The following KCNIP1 variants were observed in gnomAD, a reference collection of about 807,000 sequenced individuals.
The protein encoded by KCNIP1 is potassium voltage-gated channel interacting protein 1.
Under a neutral mutation model 33.0 loss-of-function variants are expected in KCNIP1, and 18 were observed. The observed-to-expected ratio is 0.55, with a 90% CI of 0.38 to 0.81. The LOEUF (loss-of-function observed/expected upper bound fraction) is 0.81, where lower values mean the gene tolerates loss of function less well. KCNIP1 is among the 30% of genes least tolerant of loss of function. KCNIP1 has a pLI of 0.00. For missense variants in KCNIP1, 238 were observed against 271.6 expected, an observed-to-expected ratio of 0.88 and a Z score of 0.87; for synonymous variants, 93 against 98.3, an observed-to-expected ratio of 0.95 and a Z score of 0.32.
In KCNIP1 at chr5:170,735,857, C is replaced by A. The variant is rs768125348; in HGVS notation, c.*51C>A. The A allele has an allele frequency of 1.5e-5, 22 of 1,463,414 alleles. No homozygotes were observed. Among genetic ancestry groups the A allele is most frequent in the Non-Finnish European group, 2.0e-5 (21 of 1,043,686 alleles). The allele number at this position is 1,463,414 out of a possible 1,614,324, so 90.7% of individuals were successfully genotyped here. The stretch of plus-strand genomic sequence containing the variant: ...TCAGAGACATTGTACTAAACAACCA[C>A]CTTAACACCCTGATCTGCCCTTGTT... On this transcript the variant is annotated 3_prime_UTR_variant, in exon 8 of 8. Transcript: ENST00000328939.
At chr5:170,366,995 T>C (rs1472226928) in intron 1 of KCNIP1, among the ~76,000 whole-genome samples, 1 of 152,120 alleles carries the variant, frequency 6.6e-6, no homozygotes, top group East Asian at 1.9e-4. Flanking sequence ...TGTGAACTTG[T>C]TGGAAGGGCA....
chr5:170,663,970 C>T (rs1206670017), intron 1 of KCNIP1, among the ~76,000 whole-genome samples: 1 of 152,138 alleles, frequency 6.6e-6, no homozygotes, highest in East Asian at 1.9e-4. Context: ...TACTCTCCTC[C>T]AATCCTGTCC....
intron 1 of KCNIP1, among the ~76,000 whole-genome samples, chr5:170,494,344 A>G (rs1242421257): frequency 1.3e-5 from 2 of 152,180 alleles, no homozygotes; most frequent in African/African-American, 2.4e-5. Flanking sequence ...GGCCAGCCCA[A>G]TGCAAGAAGG....
intron 1 of KCNIP1, among the ~76,000 whole-genome samples, chr5:170,589,813 CGGTGT>C (rs1554103014): frequency 6.7e-6 from 1 of 149,982 alleles, no homozygotes. Context: ...CGGTGCGGTG[CGGTGT>C]GGTGTGGTAT....
At chr5:170,566,815 T>C (rs1757220847) in intron 1 of KCNIP1, among the ~76,000 whole-genome samples, 1 of 152,036 alleles carries the variant, frequency 6.6e-6, no homozygotes, top group Admixed American at 6.6e-5. Context: ...ACCTGAGAAA[T>C]TGAACTGGTT....
chr5:170,586,807 G>A (rs4867984), intron 1 of KCNIP1, among the ~76,000 whole-genome samples: 115,903 of 152,188 alleles, frequency 0.76, 44,790 homozygotes, highest in East Asian at 0.91. Context: ...TTCATTGTGT[G>A]TGCTTCTGGA....
intron 1 of KCNIP1, among the ~76,000 whole-genome samples, chr5:170,682,037 G>A (rs1762368660): frequency 6.6e-6 from 1 of 152,184 alleles, no homozygotes; most frequent in African/African-American, 2.4e-5. Flanking sequence ...CCACTGCATG[G>A]TGTAGACAGA....
At chr5:170,700,921 G>A (rs1247594645) in intron 1 of KCNIP1, among the ~76,000 whole-genome samples, 2 of 152,156 alleles carry the variant, frequency 1.3e-5, no homozygotes, top group Non-Finnish European at 2.9e-5. Flanking sequence ...ATTTTGTTTG[G>A]AAGGCATTTT....
chr5:170,546,519 A>G (rs561909885), intron 1 of KCNIP1, among the ~76,000 whole-genome samples: 1 of 152,140 alleles, frequency 6.6e-6, no homozygotes, highest in South Asian at 2.1e-4. Context: ...CCAGTAGACA[A>G]CCTCTGCTTG....
chr5:170,631,258 T>A (rs915746830), intron 1 of KCNIP1, among the ~76,000 whole-genome samples: 7 of 152,046 alleles, frequency 4.6e-5, no homozygotes, highest in Non-Finnish European at 8.8e-5. Context: ...GTGTTAGAAT[T>A]CCTACCTCCC....
intron 1 of KCNIP1, chr5:170,639,214 G>C (rs1462179033): frequency 6.6e-6 from 1 of 152,190 alleles, no homozygotes; most frequent in Non-Finnish European, 1.5e-5. Flanking sequence ...ACTCTGCTTA[G>C]AGTTACAGGC....
chr5:170,700,999 AG>A (rs1763079107), intron 1 of KCNIP1, among the ~76,000 whole-genome samples: 1 of 152,340 alleles, frequency 6.6e-6, no homozygotes, highest in Admixed American at 6.5e-5. Flanking sequence ...CCAACTTTCC[AG>A]ACCTATCTGC....
chr5:170,711,492 G>A lies in KCNIP1; in HGVS notation c.62-7266G>A, dbSNP rs927012984. On this transcript the variant is annotated intron_variant, in intron 1 of 7. Coordinates refer to ENST00000328939, the MANE Select transcript of KCNIP1 (RefSeq NM_014592.4). Reference sequence around the variant, plus strand: ...AATGCTGTAACAGTGGATACATGACGTCATGCATTTGTCAAAACCCACAGA... The same window carrying A: ...AATGCTGTAACAGTGGATACATGACATCATGCATTTGTCAAAACCCACAGA... 4.6e-5 allele frequency among the ~76,000 whole-genome samples: 7 copies of A among 152,262 alleles called. No homozygotes were observed. The East Asian group carries it at 7.7e-4, about 17-fold the overall frequency.
At chr5:170,636,993 C>G (rs1414552430) in intron 1 of KCNIP1, among the ~76,000 whole-genome samples, 1 of 152,036 alleles carries the variant, frequency 6.6e-6, no homozygotes, top group African/African-American at 2.4e-5. Flanking sequence ...GTGGGTTGGC[C>G]CCACCCCCAA....
intron 1 of KCNIP1, among the ~76,000 whole-genome samples, chr5:170,643,185 G>T (rs1392092081): frequency 6.6e-6 from 1 of 152,236 alleles, no homozygotes; most frequent in Non-Finnish European, 1.5e-5. Context: ...ACCTGGAAGG[G>T]GCCATGAGCC....
At chr5:170,732,422 G>A (rs1229009371) in intron 5 of KCNIP1, among the ~76,000 whole-genome samples, 1 of 152,132 alleles carries the variant, frequency 6.6e-6, no homozygotes, top group Non-Finnish European at 1.5e-5. Flanking sequence ...TGAAAACAGT[G>A]GCAGAAACTA....
intron 1 of KCNIP1, among the ~76,000 whole-genome samples, chr5:170,551,327 T>C (rs112282945): frequency 3.3e-5 from 5 of 152,184 alleles, no homozygotes; most frequent in Non-Finnish European, 7.3e-5. Context: ...ATTATCTGAG[T>C]CTGTGGTGAG....
intron 1 of KCNIP1, among the ~76,000 whole-genome samples, chr5:170,407,194 A>C (rs1203666937): frequency 6.6e-6 from 1 of 152,218 alleles, no homozygotes; most frequent in Non-Finnish European, 1.5e-5. Flanking sequence ...GAGTGACAGC[A>C]TGCTACTGCT....
chr5:170,383,417 T>C (rs1418840422), intron 1 of KCNIP1: 6 of 603,016 alleles, frequency 9.9e-6, no homozygotes, highest in Non-Finnish European at 1.8e-5. Context: ...AGCATTAGCA[T>C]TCCACTTTAC....
Sources: allele counts gnomAD v4.1 joint callset (sites outside exome capture counted in the v4.1 genomes callset), GRCh38; gene constraint gnomAD v4.1.1; transcripts MANE v1.5; gene names NCBI Gene and HGNC (gene_info 2026-07-23, HGNC 2026-07-21).